Variants in UNC13B observed in about 807,000 individuals in gnomAD.
UNC13B encodes the protein unc-13 homolog B, also known as protein unc-13 homolog B.
Under a neutral mutation model 211.0 loss-of-function variants are expected in UNC13B, and 144 were observed. That is an observed-to-expected ratio of 0.68 (90% CI 0.60 to 0.78). The LOEUF (loss-of-function observed/expected upper bound fraction) is 0.78. UNC13B is among the 30% of genes least tolerant of loss of function. The pLI, the probability that UNC13B is intolerant of heterozygous loss-of-function variation, is 0.00. For missense variants in UNC13B, 1,777 were observed against 2,002.0 expected (o/e 0.89, Z 2.14); for synonymous variants, 709 against 725.8 (o/e 0.98, Z 0.37).
chr9:35,384,143 G>T, intron 21 of UNC13B, 103 bp from the exon 22 acceptor site: 1 of 1,541,338 alleles, frequency 6.5e-7, no homozygotes, highest in South Asian at 1.3e-5. Flanking sequence ...AATGCCTCCC[G>T]ACTCTTTCTA....
At chr9:35,249,314 G>C (rs1167473461) in intron 6 of UNC13B, among the ~76,000 whole-genome samples, 1 of 152,074 alleles carries the variant, frequency 6.6e-6, no homozygotes, top group South Asian at 2.1e-4. Flanking sequence ...TATCCAATTT[G>C]CCAGTCTGTG....
chr9:35,166,426 T>TA (rs1200445134), intron 1 of UNC13B, among the ~76,000 whole-genome samples: 5 of 152,156 alleles, frequency 3.3e-5, no homozygotes, highest in Non-Finnish European at 7.4e-5. Context: ...ATAGAAAATT[T>TA]AAAAAATGCA....
intron 11 of UNC13B, among the ~76,000 whole-genome samples, chr9:35,341,595 A>G (rs1017037171): frequency 2.6e-4 from 39 of 152,116 alleles, no homozygotes; most frequent in African/African-American, 8.7e-4. Context: ...TTTATATCCT[A>G]TAGCCCAGAT....
At chr9:35,263,385 G>C (rs1350008289) in intron 7 of UNC13B, among the ~76,000 whole-genome samples, 1 of 151,784 alleles carries the variant, frequency 6.6e-6, no homozygotes, top group East Asian at 1.9e-4. Flanking sequence ...AGTATACTTG[G>C]GGGATTGCTT....
chr9:35,313,361 A>C (rs1227831487), intron 10 of UNC13B, among the ~76,000 whole-genome samples: 2 of 152,192 alleles, frequency 1.3e-5, no homozygotes, highest in East Asian at 3.8e-4. Flanking sequence ...GCAGTGGCTC[A>C]CGCCTGTAAT....
chr9:35,374,664 G>C (rs542199960), intron 13 of UNC13B, among the ~76,000 whole-genome samples: 65 of 152,360 alleles, frequency 4.3e-4, no homozygotes, highest in Non-Finnish European at 8.1e-4. Flanking sequence ...GGGATTATGT[G>C]GGCTTGGGGA....
chr9:35,249,510 T>C (rs1826328211), intron 6 of UNC13B, among the ~76,000 whole-genome samples: 1 of 152,232 alleles, frequency 6.6e-6, no homozygotes, highest in Non-Finnish European at 1.5e-5. Context: ...TTCCTTTCCA[T>C]GTTTAGTGCT....
intron 11 of UNC13B, among the ~76,000 whole-genome samples, chr9:35,328,146 G>A (rs967880756): frequency 2.6e-5 from 4 of 151,962 alleles, no homozygotes; most frequent in African/African-American, 7.3e-5. Flanking sequence ...TCAGCCTCCC[G>A]AGTAGCTGGG....
chr9:35,238,349 A>G (rs953213826), intron 5 of UNC13B, among the ~76,000 whole-genome samples: 3 of 152,144 alleles, frequency 2.0e-5, no homozygotes, highest in Admixed American at 1.3e-4. Flanking sequence ...ACCACTGTTA[A>G]CATTCTTGTA....
intron 1 of UNC13B, among the ~76,000 whole-genome samples, chr9:35,171,591 G>C (rs1821335822): frequency 6.6e-6 from 1 of 152,044 alleles, no homozygotes; most frequent in Non-Finnish European, 1.5e-5. Context: ...TTTTTGTAGA[G>C]ATGGGTCTCC....
intron 6 of UNC13B, among the ~76,000 whole-genome samples, chr9:35,254,613 AT>A (rs570176029): frequency 1.1e-4 from 16 of 151,676 alleles, no homozygotes; most frequent in African/African-American, 3.9e-4. Flanking sequence ...CTTTTGTTAG[AT>A]TTTTTTCCCT....
At chr9:35,260,052 A>AAAC (rs1307511317) in intron 7 of UNC13B, among the ~76,000 whole-genome samples, 12 of 149,090 alleles carry the variant, frequency 8.0e-5, no homozygotes, top group Admixed American at 2.7e-4. Flanking sequence ...AAAAAAAAAA[A>AAAC]AAAAAAAAAA....
chr9:35,209,803 A>C (rs1587379677), intron 1 of UNC13B, among the ~76,000 whole-genome samples: 1 of 152,248 alleles, frequency 6.6e-6, no homozygotes, highest in Admixed American at 6.5e-5. Context: ...TTACATGACA[A>C]ATTTTGTTAC....
chr9:35,251,348 G>T (rs140001091), intron 6 of UNC13B, among the ~76,000 whole-genome samples: 134 of 152,236 alleles, frequency 8.8e-4, no homozygotes, highest in Non-Finnish European at 1.5e-3. Flanking sequence ...CACTCTGGGG[G>T]GGCCGAGGTG....
chr9:35,378,836 G>A (rs1465929595), intron 17 of UNC13B, among the ~76,000 whole-genome samples: 1 of 152,142 alleles, frequency 6.6e-6, no homozygotes, highest in East Asian at 1.9e-4. Context: ...AGTGGGGAGG[G>A]AGTGTCCTTG....
rs534478112 is a variant in UNC13B, at chr9:35,401,860, T to G, written c.12485-1307T>G. ...CCTCAGAATATGTGTAGAGCTGCTT[T>G]GAATGGCTGTTAACTCCTTAGACTG... On this transcript the variant is annotated intron_variant, in intron 37 of 39. Coordinates refer to ENST00000635942, the MANE Select transcript of UNC13B (RefSeq NM_001371189.2). 199 of 1,256,742 alleles carry G rather than the reference T, an allele frequency of 1.6e-4. 1 individual carries two copies. In the South Asian group the frequency reaches 2.6e-3, roughly 16 times the overall value. The allele number at this position is 1,256,742 out of a possible 1,614,324, so 77.8% of individuals were successfully genotyped here.
intron 12 of UNC13B, among the ~76,000 whole-genome samples, chr9:35,368,235 G>A (rs1021705780): frequency 1.3e-5 from 2 of 151,994 alleles, no homozygotes; most frequent in Non-Finnish European, 2.9e-5. Context: ...AAGTAGGCCC[G>A]TGTCTGTTGT....
In UNC13B at chr9:35,376,013, G is replaced by A. The variant is rs771175195; in HGVS notation, c.9616-15G>A. On this transcript the variant is annotated splice_polypyrimidine_tract_variant and intron_variant, in intron 14 of 39. Transcript: ENST00000635942. ...CAAAAAACAAAAATCATGGGATGGG[G>A]TATGTGTCTTTCAGAAATCCCACGT... 1.9e-6 allele frequency: 3 copies of A among 1,613,282 alleles called. No homozygotes were observed. Among genetic ancestry groups the A allele is most frequent in the African/African-American group, 2.7e-5 (2 of 74,902 alleles).
At chr9:35,164,158 A>G (rs1424783033) in intron 1 of UNC13B, among the ~76,000 whole-genome samples, 1 of 152,170 alleles carries the variant, frequency 6.6e-6, no homozygotes, top group Admixed American at 6.5e-5. Flanking sequence ...CTGGAATTAC[A>G]GGAGTGAACC....
Sources: allele counts gnomAD v4.1 joint callset (sites outside exome capture counted in the v4.1 genomes callset), GRCh38; gene constraint gnomAD v4.1.1; transcripts MANE v1.5; gene names NCBI Gene and HGNC (gene_info 2026-07-23, HGNC 2026-07-21).